Variants in RFX8 observed in about 807,000 individuals in gnomAD.
RFX8 encodes the protein regulatory factor X8, also known as DNA-binding protein RFX8.
In RFX8, 46 loss-of-function variants were observed where a neutral mutation model predicts 54.6. That is an observed-to-expected ratio of 0.84 (90% CI 0.67 to 1.08). RFX8 has a LOEUF of 1.08. Among genes scored for constraint, RFX8 ranks in the 50% least tolerant of loss-of-function variants. The probability of loss-of-function intolerance (pLI) is 0.00; values close to 1 mark genes in which losing one functional copy is unlikely to be tolerated. For synonymous variants in RFX8, 192 were observed against 209.5 expected (o/e 0.92, Z 0.72); for missense variants, 536 against 562.3 (o/e 0.95, Z 0.47).
intron 2 of RFX8, among the ~76,000 whole-genome samples, chr2:101,431,085 C>T (rs559606886): frequency 3.3e-4 from 50 of 152,292 alleles, no homozygotes; most frequent in Admixed American, 7.2e-4. Flanking sequence ...AATATGAATA[C>T]ACTGAGCTCC....
At position 101,412,328 on chromosome 2, in the gene RFX8, C is replaced by T. The variant is rs1686187682; in HGVS notation, c.718+587G>A. On this transcript the variant is annotated intron_variant, in intron 8 of 11. Coordinates refer to ENST00000428343, the MANE Select transcript of RFX8 (RefSeq NM_001145664.2). The stretch of plus-strand genomic sequence containing the variant: ...GGACGCAACAACACACACCAGCCAG[C>T]AACGCAAGCTCTTTATGGAAGGGGG... Among the ~76,000 whole-genome samples, 2 of 152,208 alleles carry T rather than the reference C, an allele frequency of 1.3e-5. 1 individual carries two copies. Among genetic ancestry groups the T allele is most frequent in the Admixed American group, 1.3e-4 (2 of 15,280 alleles).
At chr2:101,451,026 C>G (rs1053799070) in intron 2 of RFX8, among the ~76,000 whole-genome samples, 2 of 152,038 alleles carry the variant, frequency 1.3e-5, no homozygotes, top group Admixed American at 1.3e-4. Context: ...ACCCATTAAC[C>G]TTTTTCAGGT....
intron 8 of RFX8, among the ~76,000 whole-genome samples, chr2:101,411,171 C>G (rs1030911687): frequency 3.9e-5 from 6 of 152,192 alleles, no homozygotes; most frequent in African/African-American, 1.4e-4. Context: ...TTAGGTGGAG[C>G]CTGGTGTGAC....
chr2:101,463,336 G>T (rs1322874103), intron 2 of RFX8, among the ~76,000 whole-genome samples: 2 of 152,214 alleles, frequency 1.3e-5, no homozygotes, highest in Non-Finnish European at 2.9e-5. Context: ...GGTGTGGGAG[G>T]GGTGTGGGCC....
Position 101,419,444 on chromosome 2 carries a change from G to A in RFX8, c.238-480C>T, listed in dbSNP as rs369182548. ...ACTGTGGAAGGAAAAGGAGACTGGCGTGGTTCTACACAGGAGCCTTCTCTA... is the reference window on the plus strand; with the variant it reads ...ACTGTGGAAGGAAAAGGAGACTGGCATGGTTCTACACAGGAGCCTTCTCTA... On this transcript the variant is annotated intron_variant, in intron 4 of 11. Transcript: ENST00000428343. 8.5e-5 allele frequency among the ~76,000 whole-genome samples: 13 copies of A among 152,164 alleles called. No homozygotes were observed. The East Asian group carries it at 2.1e-3, about 25-fold the overall frequency.
intron 2 of RFX8, among the ~76,000 whole-genome samples, chr2:101,429,275 T>G (rs1299637299): frequency 6.6e-6 from 1 of 152,216 alleles, no homozygotes; most frequent in Non-Finnish European, 1.5e-5. Context: ...GATATCGTCA[T>G]GGGTAGAATT....
chr2:101,403,193 C>T (rs2104517325), intron 10 of RFX8, among the ~76,000 whole-genome samples: 1 of 152,232 alleles, frequency 6.6e-6, no homozygotes, highest in East Asian at 1.9e-4. Context: ...AAACGTAGCG[C>T]CTTGCCCCTC....
chr2:101,472,045 C>T (rs1206706168), intron 1 of RFX8, among the ~76,000 whole-genome samples: 1 of 152,166 alleles, frequency 6.6e-6, no homozygotes, highest in Non-Finnish European at 1.5e-5. Flanking sequence ...TTTGGAATAC[C>T]AGAGGCTGTT....
chr2:101,452,241 T>C, intron 2 of RFX8: 1 of 463,942 alleles, frequency 2.2e-6, no homozygotes, highest in South Asian at 4.3e-5. Flanking sequence ...TTTCAGGCAC[T>C]GGGAATTAAT....
At chr2:101,426,411 C>T (rs939284792) in intron 2 of RFX8, among the ~76,000 whole-genome samples, 4 of 152,070 alleles carry the variant, frequency 2.6e-5, no homozygotes, top group African/African-American at 9.7e-5. Context: ...CCTAAATACT[C>T]AGGAGGCTGA....
chr2:101,451,831 C>T (rs927553586), intron 2 of RFX8, among the ~76,000 whole-genome samples: 2 of 152,144 alleles, frequency 1.3e-5, no homozygotes, highest in African/African-American at 2.4e-5. Context: ...TGGTGGCTCA[C>T]GCCCGTAATC....
At chr2:101,399,963 A>G (rs1685338101) in intron 11 of RFX8, among the ~76,000 whole-genome samples, 1 of 152,146 alleles carries the variant, frequency 6.6e-6, no homozygotes, top group Non-Finnish European at 1.5e-5. Flanking sequence ...TGGAGGTGTA[A>G]ATTCCTGTTC....
At chr2:101,437,093 T>C (rs1273189765) in intron 2 of RFX8, among the ~76,000 whole-genome samples, 1 of 152,234 alleles carries the variant, frequency 6.6e-6, no homozygotes, top group African/African-American at 2.4e-5. Flanking sequence ...CTTGATTTAT[T>C]ATTTTTAATT....
In RFX8 at chr2:101,450,715, T is replaced by A; in HGVS notation, c.72+16062A>T. 3 of 1,075,082 alleles carry A rather than the reference T, an allele frequency of 2.8e-6. 1 individual carries two copies. In the South Asian group the frequency reaches 4.1e-5, roughly 15 times the overall value. 66.6% of individuals were successfully genotyped at this position (1,075,082 alleles called of 1,614,324 possible). ...TAAAGGTTGTCTTTAAATTTATGTC[T>A]AACTACTGACATGCTTTATGGAAGG... On this transcript the variant is annotated intron_variant, in intron 2 of 11. Coordinates refer to ENST00000428343, the MANE Select transcript of RFX8 (RefSeq NM_001145664.2).
intron 2 of RFX8, among the ~76,000 whole-genome samples, chr2:101,438,635 T>C (rs1687915213): frequency 6.6e-6 from 1 of 152,200 alleles, no homozygotes; most frequent in African/African-American, 2.4e-5. Context: ...AATTGTATGT[T>C]TGGTTTAATA....
rs370340398 is a variant in RFX8 at position 101,468,354 on chromosome 2, GGTGTTCCTCA to G, written c.-52-1464_-52-1455del. 2.7e-3 allele frequency among the ~76,000 whole-genome samples: 415 copies of G among 152,248 alleles called. 2 individuals are homozygous for G. The highest frequency in any genetic ancestry group is 9.4e-3 in the African/African-American group (390 of 41,532). On this transcript the variant is annotated intron_variant, in intron 1 of 11. Transcript: ENST00000428343. ...TTTCTGGTGATTGCTGGAAATCCTCGGTGTTCCTCAGTGTTCCTCGGCTTCACTCCAGTCC... is the reference window on the plus strand; with the variant it reads ...TTTCTGGTGATTGCTGGAAATCCTCGGTGTTCCTCGGCTTCACTCCAGTCC...
intron 2 of RFX8, among the ~76,000 whole-genome samples, chr2:101,454,249 G>A (rs1389079098): frequency 1.3e-5 from 2 of 152,140 alleles, no homozygotes; most frequent in Non-Finnish European, 2.9e-5. Flanking sequence ...TGGCTGCATA[G>A]TATTCCATGG....
At chr2:101,465,854 C>T (rs1437720094) in intron 2 of RFX8, among the ~76,000 whole-genome samples, 1 of 152,176 alleles carries the variant, frequency 6.6e-6, no homozygotes, top group Non-Finnish European at 1.5e-5. Context: ...GACTGCGTTG[C>T]ACCCTTGGGG....
At chr2:101,401,319 C>A (rs1343697616) in intron 11 of RFX8, among the ~76,000 whole-genome samples, 1 of 152,112 alleles carries the variant, frequency 6.6e-6, no homozygotes, top group Non-Finnish European at 1.5e-5. Flanking sequence ...CCAAGCATTG[C>A]TCAGTAACAG....
Sources: gnomAD v4.1 joint callset for allele counts (sites outside exome capture counted in the v4.1 genomes callset) on GRCh38, gnomAD v4.1.1 for gene constraint, MANE v1.5 for transcripts, NCBI Gene and HGNC (gene_info 2026-07-23, HGNC 2026-07-21) for gene names.